Variants in NUP153 observed in about 807,000 individuals in gnomAD.
NUP153 encodes the protein nucleoporin 153.
Under a neutral mutation model 134.6 loss-of-function variants are expected in NUP153, and 27 were observed. The observed-to-expected ratio is 0.20, with a 90% CI of 0.15 to 0.28. The LOEUF is 0.28. Among genes scored for constraint, NUP153 ranks in the 10% least tolerant of loss-of-function variants. The pLI is 1.00. For missense variants in NUP153, 1,821 were observed against 1,731.3 expected (o/e 1.05, Z -0.92); for synonymous variants, 640 against 623.5 (o/e 1.03, Z -0.40).
Position 17,637,203 on chromosome 6 carries a change from G to A in NUP153, c.2414C>T (p.Ser805Phe). Residue 805 changes from serine to phenylalanine, a missense_variant, in exon 16 of 22, where the codon TCT becomes TTT. Coordinates refer to ENST00000262077, the MANE Select transcript of NUP153 (RefSeq NM_005124.4). ...ACACTTATTGTCTTCTGCATTATTA[G>A]AAACACAGCATACTGAACACTCCCA... ...GSWECSVCCV[S>F]NNAEDNKCVS... 2 of 1,614,028 alleles carry A rather than the reference G, an allele frequency of 1.2e-6. No homozygotes were observed. The highest frequency in any genetic ancestry group is 1.7e-6 in the Non-Finnish European group (2 of 1,179,958).
At chr6:17,642,871 G>A (rs546622538) in intron 14 of NUP153, among the ~76,000 whole-genome samples, 45 of 152,312 alleles carry the variant, frequency 3.0e-4, no homozygotes, top group African/African-American at 1.1e-3. Context: ...ATGAAGTATT[G>A]AGACATAAGA....
At chr6:17,644,435 C>T (rs986072534) in intron 14 of NUP153, among the ~76,000 whole-genome samples, 2 of 152,140 alleles carry the variant, frequency 1.3e-5, no homozygotes, top group African/African-American at 2.4e-5. Context: ...CATAGCATTC[C>T]AGAACTTTTA....
chr6:17,648,041 T>C lies in NUP153; in HGVS notation c.1534-136A>G, dbSNP rs1766301271. Reference sequence around the variant, plus strand: ...CCTTTTAAATTTAAAAATCTCACTTTAAATTCTGAAAAACACAGAACTGTG... The same window carrying C: ...CCTTTTAAATTTAAAAATCTCACTTCAAATTCTGAAAAACACAGAACTGTG... On this transcript the variant is annotated intron_variant, in intron 12 of 21. Coordinates refer to ENST00000262077, the MANE Select transcript of NUP153 (RefSeq NM_005124.4). The C allele has an allele frequency of 9.6e-6, 6 of 625,624 alleles. No homozygotes were observed. The Admixed American group carries it at 1.2e-4, about 12-fold the overall frequency. The allele number at this position is 625,624 out of a possible 1,614,324, so 38.8% of individuals were successfully genotyped here. A position where few individuals can be genotyped will look rare whatever the true frequency, so the allele number is the denominator to read the frequency against.
Position 17,665,307 on chromosome 6 carries a change from A to G in NUP153, c.1147T>C (p.Phe383Leu), listed in dbSNP as rs1366876149. The change falls in exon 9 of 22, where the codon TTT becomes CTT. Residue 383 changes from phenylalanine to leucine, a missense_variant. Transcript: ENST00000262077. ...CCAGAAGGAGTCAGAGATGGTTTAA[A>G]ATAAACACTTCGATTTGTTGCTATG... ...VSIATNRSVY[F>L]KPSLTPSGEF... 1 of 1,613,274 alleles carries G rather than the reference A, an allele frequency of 6.2e-7. No homozygotes were observed. Among genetic ancestry groups the G allele is most frequent in the African/African-American group, 1.3e-5 (1 of 74,916 alleles).
chr6:17,637,758 G>C lies in NUP153; in HGVS notation c.1859C>G (p.Pro620Arg). ...DILKSPGFAS[P>R]KIDSVAAQPT... Reference sequence around the variant, plus strand: ...CTGAGCAGCAACAGAATCTATCTTCGGCGATGCGAAACCTACAATGAACGA... The same window carrying C: ...CTGAGCAGCAACAGAATCTATCTTCCGCGATGCGAAACCTACAATGAACGA... The change falls in exon 16 of 22, where the codon CCG becomes CGG. Residue 620 changes from proline to arginine, a missense_variant. Transcript: ENST00000262077. The C allele has an allele frequency of 6.3e-7, 1 of 1,598,418 alleles. No homozygotes were observed. The highest frequency in any genetic ancestry group is 8.5e-7 in the Non-Finnish European group (1 of 1,177,498).
chr6:17,686,922 G>A (rs1160519456), intron 2 of NUP153, among the ~76,000 whole-genome samples: 2 of 151,152 alleles, frequency 1.3e-5, no homozygotes, highest in Non-Finnish European at 3.0e-5. Flanking sequence ...AGTGGGGGGT[G>A]TCATTGTACT....
chr6:17,661,573 C>A (rs2113815874), intron 11 of NUP153, 80 bp downstream of exon 11: 2 of 1,401,968 alleles, frequency 1.4e-6, no homozygotes, highest in South Asian at 1.7e-5. Flanking sequence ...TCGAACCCCA[C>A]CCCTACAGGT....
intron 18 of NUP153, among the ~76,000 whole-genome samples, chr6:17,626,705 C>T (rs924799532): frequency 2.6e-5 from 4 of 152,174 alleles, no homozygotes; most frequent in Non-Finnish European, 4.4e-5. Flanking sequence ...ATTATTATAA[C>T]TTTATACCAT....
intron 16 of NUP153, 91 bp downstream of exon 16, chr6:17,637,062 C>T: frequency 2.4e-6 from 3 of 1,274,302 alleles, no homozygotes; most frequent in Non-Finnish European, 3.3e-6. Context: ...AAATGCTCAT[C>T]CTGAAACATC....
chr6:17,655,022 A>C (rs113888954), intron 11 of NUP153, among the ~76,000 whole-genome samples: 9,380 of 152,296 alleles, frequency 0.062, 387 homozygotes, highest in Non-Finnish European at 0.084. Context: ...TGGCAGGATT[A>C]TACAAGACAA....
Position 17,706,256 on chromosome 6 carries a change from C to T in NUP153, c.111+21G>A, listed in dbSNP as rs200238904. ...CGAGTTTCCCCACCCGCCAGGCCACCGCGGCGTCGGGGTCCCATACCTGAT... is the reference window on the plus strand; with the variant it reads ...CGAGTTTCCCCACCCGCCAGGCCACTGCGGCGTCGGGGTCCCATACCTGAT... On this transcript the variant is annotated intron_variant, in intron 1 of 21. Transcript: ENST00000262077. The surrounding 1 kb of genome is among the most constrained non-coding windows in gnomAD (Gnocchi z 5.9). 1.3e-6 allele frequency: 2 copies of T among 1,589,312 alleles called. No homozygotes were observed. Among genetic ancestry groups the T allele is most frequent in the East Asian group, 2.2e-5 (1 of 44,656 alleles).
chr6:17,693,183 T>TACAC (rs67348223), intron 1 of NUP153, among the ~76,000 whole-genome samples: 16,170 of 145,782 alleles, frequency 0.11, 987 homozygotes, highest in East Asian at 0.25. Context: ...AGCTTTTTCC[T>TACAC]ACACACACAC....
At chr6:17,646,432 T>C (rs933314573) in intron 13 of NUP153, among the ~76,000 whole-genome samples, 1 of 152,152 alleles carries the variant, frequency 6.6e-6, no homozygotes, top group Non-Finnish European at 1.5e-5. Flanking sequence ...GGTCTCGATC[T>C]ACTGACCTTG....
At chr6:17,694,223 C>T (rs2328134) in intron 1 of NUP153, among the ~76,000 whole-genome samples, 149,994 of 152,290 alleles carry the variant, frequency 0.98, 73,898 homozygotes, top group Middle Eastern at 1. Flanking sequence ...ATGTGATCAG[C>T]AAGTATTGAT....
intron 1 of NUP153, among the ~76,000 whole-genome samples, chr6:17,696,027 A>G (rs1769620895): frequency 1.3e-5 from 2 of 152,032 alleles, no homozygotes; most frequent in Non-Finnish European, 2.9e-5. Flanking sequence ...AAACAGAAAA[A>G]GAAAATACTG....
At chr6:17,683,031 C>T (rs1768703294) in intron 2 of NUP153, among the ~76,000 whole-genome samples, 1 of 151,916 alleles carries the variant, frequency 6.6e-6, no homozygotes, top group Non-Finnish European at 1.5e-5. Context: ...CATCTTCATA[C>T]TCCACTTCTA....
chr6:17,694,820 T>TA (rs918874855), intron 1 of NUP153, among the ~76,000 whole-genome samples: 8 of 148,822 alleles, frequency 5.4e-5, no homozygotes, highest in African/African-American at 2.0e-4. Flanking sequence ...CTACTAAAAA[T>TA]AAAAAAAAAG....
intron 14 of NUP153, among the ~76,000 whole-genome samples, chr6:17,643,331 G>A (rs1233087445): frequency 6.6e-6 from 1 of 152,124 alleles, no homozygotes; most frequent in Non-Finnish European, 1.5e-5. Context: ...AATTAGCCAG[G>A]CATGGTGGCA....
chr6:17,699,839 AAAAAG>A, intron 1 of NUP153, among the ~76,000 whole-genome samples: 1 of 152,312 alleles, frequency 6.6e-6, no homozygotes, highest in East Asian at 1.9e-4. Context: ...TGTCTCAAAA[AAAAAG>A]AAAAGTAAAC....
Sources: gnomAD v4.1 joint callset for allele counts (sites outside exome capture counted in the v4.1 genomes callset) on GRCh38, gnomAD v4.1.1 for gene constraint, Gnocchi (gnomAD v3.1) non-coding constraint, MANE v1.5 for transcripts, NCBI Gene and HGNC (gene_info 2026-07-23, HGNC 2026-07-21) for gene names.